SCAI: variants seen among roughly 807,000 people sequenced by gnomAD.
SCAI encodes protein SCAI.
SCAI carries 24 observed loss-of-function variants against 92.2 expected under a neutral mutation model. That is an observed-to-expected ratio of 0.26 (90% CI 0.19 to 0.37). SCAI has a LOEUF of 0.37. SCAI is among the 10% of genes least tolerant of loss of function. SCAI has a pLI of 1.00. For synonymous variants in SCAI, 261 were observed against 258.6 expected, an observed-to-expected ratio of 1.01 and a Z score of -0.09; for missense variants, 450 against 736.2, an observed-to-expected ratio of 0.61 and a Z score of 4.50.
At chr9:125,015,923 C>T (rs961399782) in intron 9 of SCAI, among the ~76,000 whole-genome samples, 5 of 150,458 alleles carry the variant, frequency 3.3e-5, no homozygotes, top group African/African-American at 7.3e-5. Context: ...AGTAAACTAT[C>T]GCAAGAACAA....
chr9:125,122,966 C>T (rs918446568), intron 2 of SCAI, among the ~76,000 whole-genome samples: 1 of 152,122 alleles, frequency 6.6e-6, no homozygotes, highest in African/African-American at 2.4e-5. Context: ...ATGCATATTC[C>T]TATTTTATAC....
chr9:125,116,050 G>A (rs181952926), intron 2 of SCAI, among the ~76,000 whole-genome samples: 4 of 152,140 alleles, frequency 2.6e-5, no homozygotes, highest in East Asian at 1.9e-4. Flanking sequence ...ACAATTAGCC[G>A]AGCATGGTGG....
chr9:124,998,098 C>A (rs1463603418), intron 13 of SCAI, among the ~76,000 whole-genome samples: 1 of 152,016 alleles, frequency 6.6e-6, no homozygotes, highest in Non-Finnish European at 1.5e-5. Flanking sequence ...AGCCACTGCT[C>A]CTGGCCTGAA....
chr9:125,077,095 C>T (rs1482591633), intron 2 of SCAI, among the ~76,000 whole-genome samples: 1 of 152,138 alleles, frequency 6.6e-6, no homozygotes, highest in African/African-American at 2.4e-5. Context: ...GAGTTGGAAG[C>T]GCCACTGCAC....
At chr9:125,138,160 T>G (rs887133822) in intron 2 of SCAI, among the ~76,000 whole-genome samples, 4 of 152,152 alleles carry the variant, frequency 2.6e-5, no homozygotes, top group African/African-American at 9.7e-5. Context: ...TTGATGGGTG[T>G]TTTTTAACCT....
intron 14 of SCAI, among the ~76,000 whole-genome samples, chr9:124,991,251 C>G (rs955830180): frequency 1.3e-4 from 18 of 143,754 alleles, no homozygotes; most frequent in African/African-American, 4.1e-4. Context: ...ACTCGGGAGG[C>G]TGAGGCAGGA....
At chr9:125,107,921 C>T in intron 2 of SCAI, among the ~76,000 whole-genome samples, 1 of 152,230 alleles carries the variant, frequency 6.6e-6, no homozygotes, top group East Asian at 1.9e-4. Flanking sequence ...CCACTCACTG[C>T]AACCTCCCTG....
chr9:125,058,894 T>C (rs1386506520), intron 2 of SCAI, among the ~76,000 whole-genome samples: 1 of 152,156 alleles, frequency 6.6e-6, no homozygotes, highest in African/African-American at 2.4e-5. Context: ...TTGAAGGAGA[T>C]CCCACTGGCC....
chr9:125,073,758 G>C (rs977852472), intron 2 of SCAI, among the ~76,000 whole-genome samples: 1 of 151,794 alleles, frequency 6.6e-6, no homozygotes, highest in Admixed American at 6.6e-5. Flanking sequence ...AGATAAAAAA[G>C]AAAAACAAAA....
In SCAI at chr9:125,143,462, C is replaced by A; in HGVS notation, c.-25G>T. 1 of 1,341,892 alleles carries A rather than the reference C, an allele frequency of 7.5e-7. No homozygotes were observed. Among genetic ancestry groups the A allele is most frequent in the Non-Finnish European group, 9.6e-7 (1 of 1,045,672 alleles). 83.1% of individuals were successfully genotyped at this position (1,341,892 alleles called of 1,614,324 possible). A position where few individuals can be genotyped will look rare whatever the true frequency, so the allele number is the denominator to read the frequency against. ...TCCGGCTCCTGCTCCGCCGCGGGAGCTGCTCCGGCGGCCGCAGGGCTCGCT... is the reference window on the plus strand; with the variant it reads ...TCCGGCTCCTGCTCCGCCGCGGGAGATGCTCCGGCGGCCGCAGGGCTCGCT... On this transcript the variant is annotated 5_prime_UTR_variant, in exon 1 of 18. Transcript: ENST00000336505.
intron 2 of SCAI, among the ~76,000 whole-genome samples, chr9:125,102,797 C>A (rs1834705034): frequency 1.3e-5 from 2 of 152,192 alleles, no homozygotes; most frequent in South Asian, 4.1e-4. Context: ...GGGGTTTCGC[C>A]ATGTTGGCCA....
Position 125,091,026 on chromosome 9 carries a change from G to C in SCAI, c.99-35019C>G, listed in dbSNP as rs1011470143. On this transcript the variant is annotated intron_variant, in intron 2 of 17. Transcript: ENST00000336505. The surrounding 1 kb of genome is among the most constrained non-coding windows in gnomAD (Gnocchi z 4.3). Reference sequence around the variant, plus strand: ...CCAGCTACTCCGGAGGCTGAGGCAGGAGAATAGGTGAACCCGGGAGGCGGA... The same window carrying C: ...CCAGCTACTCCGGAGGCTGAGGCAGCAGAATAGGTGAACCCGGGAGGCGGA... Among the ~76,000 whole-genome samples, 1 of 152,182 alleles carries C rather than the reference G, an allele frequency of 6.6e-6. No homozygotes were observed. The highest frequency in any genetic ancestry group is 1.5e-5 in the Non-Finnish European group (1 of 68,028).
At chr9:125,026,548 T>C (rs1190107522) in intron 6 of SCAI, among the ~76,000 whole-genome samples, 1 of 152,178 alleles carries the variant, frequency 6.6e-6, no homozygotes. Flanking sequence ...TCTTTTCTAT[T>C]AAATCTGTGT....
In SCAI at chr9:125,003,136, G is replaced by C; in HGVS notation, c.1043C>G (p.Thr348Ser). The change falls in exon 11 of 18, where the codon ACC becomes AGC. Residue 348 changes from threonine to serine, a missense_variant. Physicochemically the swap from Thr to Ser is moderately conservative, Grantham distance 58. Coordinates refer to ENST00000336505, the MANE Select transcript of SCAI (RefSeq NM_001144877.3). The part of the protein sequence containing the change: ...LYKPTFSQLY[T>S]FLAASFKELP... ...TACCTTAAAAGACGCTGCTAAGAAGGTATATAGCTGGCTGAAGGTTGGTTT... is the reference window on the plus strand; with the variant it reads ...TACCTTAAAAGACGCTGCTAAGAAGCTATATAGCTGGCTGAAGGTTGGTTT... The C allele has an allele frequency of 6.2e-7, 1 of 1,612,968 alleles. No individual in the cohort carries two copies. Among genetic ancestry groups the C allele is most frequent in the East Asian group, 2.2e-5 (1 of 44,868 alleles).
intron 14 of SCAI, among the ~76,000 whole-genome samples, chr9:124,993,446 C>G (rs998614564): frequency 6.6e-6 from 1 of 152,076 alleles, no homozygotes; most frequent in African/African-American, 2.4e-5. Context: ...AAAAATTAGC[C>G]GGGCATAGTG....
intron 2 of SCAI, among the ~76,000 whole-genome samples, chr9:125,107,925 C>T (rs970926781): frequency 2.6e-5 from 4 of 152,194 alleles, no homozygotes; most frequent in East Asian, 1.9e-4. Context: ...TCACTGCAAC[C>T]TCCCTGCCTG....
chr9:124,961,927 G>C lies in SCAI; in HGVS notation c.1675-8974C>G, dbSNP rs1210047996. On this transcript the variant is annotated intron_variant, in intron 17 of 17. Coordinates refer to ENST00000336505, the MANE Select transcript of SCAI (RefSeq NM_001144877.3). ...GTACTTTCTTCTGCACTAAAAACCT[G>C]TTCAGGCAGGTATCCTTTCCCCTCA... 2.1e-5 allele frequency among the ~76,000 whole-genome samples: 3 copies of C among 142,118 alleles called. No homozygotes were observed. In the Admixed American group the frequency reaches 2.2e-4, roughly 10 times the overall value. The allele number at this position is 142,118 out of a possible 152,430, so 93.2% of individuals were successfully genotyped here. A position where few individuals can be genotyped will look rare whatever the true frequency, so the allele number is the denominator to read the frequency against.
intron 2 of SCAI, among the ~76,000 whole-genome samples, chr9:125,058,674 C>G (rs781767760): frequency 1.4e-4 from 21 of 152,146 alleles, no homozygotes; most frequent in Non-Finnish European, 2.4e-4. Context: ...CATCTTCCCT[C>G]CCCAGTGGTA....
At chr9:125,082,102 A>G (rs959739795) in intron 2 of SCAI, among the ~76,000 whole-genome samples, 4 of 152,146 alleles carry the variant, frequency 2.6e-5, no homozygotes, top group African/African-American at 9.6e-5. Context: ...GAGGTCTAGG[A>G]GAATATGGTT....
Sources: gnomAD v4.1 joint callset for allele counts (sites outside exome capture counted in the v4.1 genomes callset) on GRCh38, gnomAD v4.1.1 for gene constraint, Gnocchi (gnomAD v3.1) non-coding constraint, MANE v1.5 for transcripts, NCBI Gene and HGNC (gene_info 2026-07-23, HGNC 2026-07-21) for gene names.